Variants in CMYA5 observed in about 807,000 individuals in gnomAD.
The protein encoded by CMYA5 is cardiomyopathy associated 5.
In CMYA5, 246 loss-of-function variants were observed where a neutral mutation model predicts 318.9. That is an observed-to-expected ratio of 0.77 (90% CI 0.70 to 0.86). The LOEUF is 0.86. Ranked by LOEUF, CMYA5 falls within the 40% of genes least tolerant of loss-of-function variation. The pLI is 0.00. For synonymous variants in CMYA5, 1,641 were observed against 1,729.5 expected (o/e 0.95, Z 1.27); for missense variants, 4,589 against 4,678.2 (o/e 0.98, Z 0.56).
chr5:79,727,739 G>A (rs868001352), intron 1 of CMYA5, among the ~76,000 whole-genome samples: 1 of 152,206 alleles, frequency 6.6e-6, no homozygotes, highest in South Asian at 2.1e-4. Context: ...ATTCTAAATG[G>A]AGGAACAGCG....
chr5:79,690,076 T>G lies in CMYA5; in HGVS notation c.149+20T>G. ...CTCCAGGTAGCGCGAGCCTCTCTCC[T>G]CGGCCCAGGGCCTGCAGGGCAGCTA... On this transcript the variant is annotated intron_variant, in intron 1 of 12. Coordinates refer to ENST00000446378, the MANE Select transcript of CMYA5 (RefSeq NM_153610.5). The G allele has an allele frequency of 7.0e-7, 1 of 1,420,324 alleles. No homozygotes were observed. Among genetic ancestry groups the G allele is most frequent in the East Asian group, 3.0e-5 (1 of 33,128 alleles). 88.0% of individuals were successfully genotyped at this position (1,420,324 alleles called of 1,614,324 possible). A position where few individuals can be genotyped will look rare whatever the true frequency, so the allele number is the denominator to read the frequency against.
intron 1 of CMYA5, among the ~76,000 whole-genome samples, chr5:79,690,263 C>T (rs951039560): frequency 5.9e-5 from 9 of 152,246 alleles, no homozygotes; most frequent in African/African-American, 2.2e-4. Context: ...GAGTTCATTA[C>T]CCCCGCCCCC....
intron 9 of CMYA5, among the ~76,000 whole-genome samples, chr5:79,766,203 A>G (rs1580795911): frequency 6.6e-6 from 1 of 151,948 alleles, no homozygotes; most frequent in Non-Finnish European, 1.5e-5. Flanking sequence ...GGTTCAAATG[A>G]TTCTCCTGCC....
intron 12 of CMYA5, 57 bp downstream of exon 12, chr5:79,793,667 C>T: frequency 6.6e-7 from 1 of 1,506,756 alleles, no homozygotes; most frequent in Non-Finnish European, 9.0e-7. Context: ...GGTGTCCAGG[C>T]AGGGCTCTCT....
intron 5 of CMYA5, among the ~76,000 whole-genome samples, chr5:79,749,675 T>A (rs1302991059): frequency 6.6e-6 from 1 of 152,108 alleles, no homozygotes. Context: ...ATTATAAAAA[T>A]TAAGAACATC....
chr5:79,794,266 G>T (rs1042620495), intron 12 of CMYA5, among the ~76,000 whole-genome samples: 9 of 152,222 alleles, frequency 5.9e-5, no homozygotes, highest in African/African-American at 2.2e-4. Flanking sequence ...AGTGGCAGAG[G>T]TGACAGATGT....
At chr5:79,718,240 T>C (rs1561200557) in intron 1 of CMYA5, among the ~76,000 whole-genome samples, 1 of 152,220 alleles carries the variant, frequency 6.6e-6, no homozygotes, top group African/African-American at 2.4e-5. Flanking sequence ...CATATTTTTT[T>C]CAGCTAAACA....
intron 3 of CMYA5, among the ~76,000 whole-genome samples, chr5:79,744,970 A>G (rs981272312): frequency 2.0e-5 from 3 of 152,178 alleles, no homozygotes; most frequent in Non-Finnish European, 4.4e-5. Context: ...ATATGAAAAT[A>G]TATATATTTT....
intron 4 of CMYA5, 43 bp from the exon 5 acceptor site, chr5:79,747,034 CTTTCTCTCTCTCTT>C (rs1828337493): frequency 3.8e-6 from 4 of 1,049,866 alleles, no homozygotes; most frequent in Middle Eastern, 2.0e-4. Flanking sequence ...TTCTCTCTCT[CTTTCTCTCTCTCTT>C]TTTCTCTCTT....
intron 1 of CMYA5, among the ~76,000 whole-genome samples, chr5:79,708,882 TGAG>T (rs1827325334): frequency 6.6e-6 from 1 of 152,066 alleles, no homozygotes; most frequent in South Asian, 2.1e-4. Flanking sequence ...TGCAGTAAGC[TGAG>T]ATCACGCCAC....
chr5:79,799,011 C>A (rs1561234985), intron 12 of CMYA5, among the ~76,000 whole-genome samples: 2 of 152,142 alleles, frequency 1.3e-5, no homozygotes, highest in Non-Finnish European at 2.9e-5. Flanking sequence ...TACATGGCAG[C>A]CTCAAAGGAG....
chr5:79,734,393 T>C lies in CMYA5; in HGVS notation c.5628T>C (p.Asp1876=). ...CATTTATGACAACCAAGCCTGCGGA[T>C]GTCAAAGAAACAAAAATGGAAGAAT... ...SKSFMTTKPA[D]VKETKMEEFF... Residue 1876 remains aspartate, a synonymous_variant, in exon 2 of 13, where the codon GAT becomes GAC. Transcript: ENST00000446378. 6.2e-7 allele frequency: 1 copy of C among 1,613,890 alleles called. No homozygotes were observed. The highest frequency in any genetic ancestry group is 8.5e-7 in the Non-Finnish European group (1 of 1,179,814).
At position 79,743,342 on chromosome 5, in the gene CMYA5, C is replaced by T. The variant is rs557253953; in HGVS notation, c.10639-485C>T. 6.4e-4 allele frequency among the ~76,000 whole-genome samples: 98 copies of T among 152,190 alleles called. 1 individual carries two copies. Among genetic ancestry groups the T allele is most frequent in the African/African-American group, 1.7e-3 (70 of 41,512 alleles). On this transcript the variant is annotated intron_variant, in intron 2 of 12. Transcript: ENST00000446378. ...AGAACTTTTAGGTCCCTTTAGTAGG[C>T]AGTTTCTCTCAGTTGGTATGCTAAA...
In CMYA5 at chr5:79,731,484, C is replaced by T. The variant is rs779691337; in HGVS notation, c.2719C>T (p.Pro907Ser). Residue 907 changes from proline to serine, a missense_variant, in exon 2 of 13, where the codon CCA (proline) becomes TCA (serine). Physicochemically the swap from Pro to Ser is moderately conservative, Grantham distance 74 (BLOSUM62 -1). Coordinates refer to ENST00000446378, the MANE Select transcript of CMYA5 (RefSeq NM_153610.5). ...ATCTGCTTCTGAATTTTCAGTACCA[C>T]CATATGCAACACCGGAGGCACAGGA... ...STSASEFSVPPYATPEAQEEE... is the reference protein window; with the variant it reads ...STSASEFSVPSYATPEAQEEE... The T allele has an allele frequency of 1.2e-6, 2 of 1,607,242 alleles. No homozygotes were observed. The highest frequency in any genetic ancestry group is 1.7e-6 in the Non-Finnish European group (2 of 1,176,418).
intron 9 of CMYA5, among the ~76,000 whole-genome samples, chr5:79,771,238 A>G (rs1828850263): frequency 6.6e-6 from 1 of 152,180 alleles, no homozygotes; most frequent in South Asian, 2.1e-4. Context: ...TTTAAACCTC[A>G]TTTTGTGAGA....
intron 1 of CMYA5, among the ~76,000 whole-genome samples, chr5:79,724,026 T>A (rs985077877): frequency 2.0e-5 from 3 of 151,962 alleles, no homozygotes; most frequent in East Asian, 3.9e-4. Flanking sequence ...TCATAAAAAA[T>A]TTTTTAATCG....
At chr5:79,788,845 C>T in intron 9 of CMYA5, 126 bp from the exon 10 acceptor site, 1 of 940,952 alleles carries the variant, frequency 1.1e-6, no homozygotes, top group Non-Finnish European at 1.6e-6. Context: ...ATCCAGTGGT[C>T]ATAAAAGGGG....
At chr5:79,773,204 A>C (rs1263372266) in intron 9 of CMYA5, among the ~76,000 whole-genome samples, 1 of 152,244 alleles carries the variant, frequency 6.6e-6, no homozygotes, top group Non-Finnish European at 1.5e-5. Flanking sequence ...TATTGTAACT[A>C]CTCAATAAAT....
At chr5:79,761,158 T>C (rs903657466) in intron 7 of CMYA5, among the ~76,000 whole-genome samples, 2 of 152,242 alleles carry the variant, frequency 1.3e-5, no homozygotes, top group Admixed American at 1.3e-4. Flanking sequence ...TAATGTTTAC[T>C]ATTAAAATAT....
Sources: gnomAD v4.1 joint callset for allele counts (sites outside exome capture counted in the v4.1 genomes callset) on GRCh38, gnomAD v4.1.1 for gene constraint, MANE v1.5 for transcripts, NCBI Gene and HGNC (gene_info 2026-07-23, HGNC 2026-07-21) for gene names.